The following TBXAS1 variants were observed in gnomAD, a reference collection of about 807,000 sequenced individuals.
The protein encoded by TBXAS1 is thromboxane-A synthase.
In TBXAS1, 48 loss-of-function variants were observed where a neutral mutation model predicts 60.7. That is an observed-to-expected ratio of 0.79 (90% CI 0.63 to 1.01). The LOEUF (loss-of-function observed/expected upper bound fraction) is 1.01. Among genes scored for constraint, TBXAS1 ranks in the 50% least tolerant of loss-of-function variants. TBXAS1 has a pLI of 0.00. For missense variants in TBXAS1, 685 were observed against 686.3 expected, an observed-to-expected ratio of 1.00 and a Z score of 0.02; for synonymous variants, 287 against 269.7, an observed-to-expected ratio of 1.06 and a Z score of -0.63.
intron 9 of TBXAS1, among the ~76,000 whole-genome samples, chr7:139,989,455 G>A (rs1248139987): frequency 4.6e-5 from 7 of 152,336 alleles, no homozygotes; most frequent in Non-Finnish European, 8.8e-5. Flanking sequence ...ACGACATCGT[G>A]AGCGTGGCTG....
intron 4 of TBXAS1, among the ~76,000 whole-genome samples, chr7:139,800,836 AT>A (rs1489455821): frequency 5.9e-5 from 9 of 152,236 alleles, no homozygotes; most frequent in African/African-American, 2.2e-4. Flanking sequence ...GTCTTTTCCT[AT>A]CAGTTATCAA....
chr7:139,785,141 G>A (rs1797146555), intron 3 of TBXAS1, among the ~76,000 whole-genome samples: 1 of 152,158 alleles, frequency 6.6e-6, no homozygotes, highest in Non-Finnish European at 1.5e-5. Context: ...GAGGCTAAGA[G>A]GCTAAAGGAG....
upstream of TBXAS1, among the ~76,000 whole-genome samples, chr7:139,826,590 A>G (rs1043712361): frequency 1.3e-5 from 2 of 152,254 alleles, no homozygotes; most frequent in Middle Eastern, 3.4e-3. Context: ...TCCACGTTTG[A>G]ATATAATCTT....
intron 4 of TBXAS1, among the ~76,000 whole-genome samples, chr7:139,918,161 T>C (rs1476066318): frequency 6.6e-6 from 1 of 152,240 alleles, no homozygotes; most frequent in Non-Finnish European, 1.5e-5. Context: ...GAAATGTCTT[T>C]GATTTTAGTT....
At chr7:139,844,987 C>T (rs747337299) in intron 1 of TBXAS1, among the ~76,000 whole-genome samples, 19 of 152,172 alleles carry the variant, frequency 1.2e-4, no homozygotes, top group Non-Finnish European at 2.2e-4. Flanking sequence ...CCCCCAGCCC[C>T]CCAGGCTATG....
intron 3 of TBXAS1, among the ~76,000 whole-genome samples, chr7:139,885,821 G>A (rs1803048530): frequency 6.6e-6 from 1 of 152,040 alleles, no homozygotes; most frequent in South Asian, 2.1e-4. Flanking sequence ...TACTCACATA[G>A]GGCAAAAGGT....
intron 1 of TBXAS1, among the ~76,000 whole-genome samples, chr7:139,841,698 A>AT (rs1363917941): frequency 6.6e-6 from 1 of 151,968 alleles, no homozygotes; most frequent in African/African-American, 2.4e-5. Context: ...CACTTTATTG[A>AT]TTTTCCAGAA....
At chr7:139,972,217 T>C (rs1314177815) in intron 9 of TBXAS1, among the ~76,000 whole-genome samples, 1 of 152,222 alleles carries the variant, frequency 6.6e-6, no homozygotes, top group African/African-American at 2.4e-5. Flanking sequence ...CAGGAATGGG[T>C]CACACCAATC....
At chr7:139,841,643 T>TTC (rs1799458163) in intron 1 of TBXAS1, among the ~76,000 whole-genome samples, 1 of 152,188 alleles carries the variant, frequency 6.6e-6, no homozygotes, top group Non-Finnish European at 1.5e-5. Context: ...TTTTTTTGTT[T>TTC]TCTCTCTCTT....
At chr7:139,981,515 G>C (rs1811981036) in intron 9 of TBXAS1, among the ~76,000 whole-genome samples, 1 of 152,222 alleles carries the variant, frequency 6.6e-6, no homozygotes, top group Non-Finnish European at 1.5e-5. Flanking sequence ...TGATCATCAA[G>C]ACACAGGACA....
At chr7:140,009,202 G>A (rs913383708) in intron 10 of TBXAS1, among the ~76,000 whole-genome samples, 7 of 152,232 alleles carry the variant, frequency 4.6e-5, no homozygotes, top group African/African-American at 7.2e-5. Flanking sequence ...CAGGAAGCTG[G>A]TGATCTCACC....
At chr7:139,792,221 C>G (rs1215183334) in intron 4 of TBXAS1, among the ~76,000 whole-genome samples, 1 of 152,086 alleles carries the variant, frequency 6.6e-6, no homozygotes, top group Non-Finnish European at 1.5e-5. Flanking sequence ...AAAGATAAAG[C>G]CAGTCTGGGG....
At chr7:139,974,325 C>A (rs1437909926) in intron 9 of TBXAS1, among the ~76,000 whole-genome samples, 1 of 152,226 alleles carries the variant, frequency 6.6e-6, no homozygotes, top group Non-Finnish European at 1.5e-5. Flanking sequence ...GCAGGCACTG[C>A]CTCTCTCTGG....
At position 139,851,705 on chromosome 7, in the gene TBXAS1, A is replaced by G. The variant is rs531030118; in HGVS notation, c.90-20530A>G. On this transcript the variant is annotated intron_variant, in intron 1 of 12. Coordinates refer to ENST00000448866, the MANE Select transcript of TBXAS1 (RefSeq NM_001061.7). The stretch of plus-strand genomic sequence containing the variant: ...GAGGAAATAGCTTACAGATTTTATG[A>G]GGCTTAGTAACCAGCTTGATACACT... 8.5e-5 allele frequency among the ~76,000 whole-genome samples: 13 copies of G among 152,238 alleles called. No homozygotes were observed. The South Asian group carries it at 2.7e-3, about 32-fold the overall frequency.
At chr7:139,955,302 C>T (rs569879788) in intron 6 of TBXAS1, among the ~76,000 whole-genome samples, 157 bp from the exon 7 acceptor site, 83 of 152,266 alleles carry the variant, frequency 5.5e-4, no homozygotes, top group African/African-American at 2.0e-3. Flanking sequence ...CATCTCCCTC[C>T]ACCTCCCCCC....
intron 9 of TBXAS1, among the ~76,000 whole-genome samples, chr7:140,002,188 T>C (rs934688105): frequency 3.3e-5 from 5 of 152,252 alleles, no homozygotes; most frequent in Admixed American, 3.3e-4. Flanking sequence ...GATAACACTT[T>C]ACACATCCAT....
At chr7:139,992,414 G>T (rs1434404446) in intron 9 of TBXAS1, among the ~76,000 whole-genome samples, 1 of 152,218 alleles carries the variant, frequency 6.6e-6, no homozygotes, top group African/African-American at 2.4e-5. Context: ...CAGCAGAGGG[G>T]AGGGCCACTC....
intron 12 of TBXAS1, 72 bp from the exon 13 acceptor site, chr7:140,019,953 C>T: frequency 6.8e-7 from 1 of 1,470,306 alleles, no homozygotes; most frequent in Non-Finnish European, 9.5e-7. Flanking sequence ...CCTTCTTGAA[C>T]CTCCAAGTCT....
intron 9 of TBXAS1, among the ~76,000 whole-genome samples, chr7:139,965,612 T>G (rs1810723955): frequency 6.6e-6 from 1 of 151,918 alleles, no homozygotes; most frequent in South Asian, 2.1e-4. Flanking sequence ...AGCCTTAGAC[T>G]CTCAAGGGCT....
Sources: allele counts gnomAD v4.1 joint callset (sites outside exome capture counted in the v4.1 genomes callset), GRCh38; gene constraint gnomAD v4.1.1; transcripts MANE v1.5; gene names NCBI Gene and HGNC (gene_info 2026-07-23, HGNC 2026-07-21).